The following TECPR1 variants were observed in gnomAD, a reference collection of about 807,000 sequenced individuals.
TECPR1 encodes the protein tectonin beta-propeller repeat-containing protein 1.
TECPR1 carries 122 observed loss-of-function variants against 162.4 expected under a neutral mutation model. The ratio of observed to expected loss-of-function variants is 0.75; its 90% CI spans 0.65 to 0.87. The LOEUF (loss-of-function observed/expected upper bound fraction) is 0.87, where lower values mean the gene tolerates loss of function less well. Ranked by LOEUF, TECPR1 falls within the 40% of genes least tolerant of loss-of-function variation. TECPR1 has a pLI of 0.00. For missense variants in TECPR1, 1,432 were observed against 1,618.2 expected (o/e 0.88, Z 1.97); for synonymous variants, 642 against 670.6 (o/e 0.96, Z 0.66).
Position 98,244,919 on chromosome 7 carries a change from T to A in TECPR1, c.374A>T (p.Asp125Val). The A allele has an allele frequency of 1.2e-6, 2 of 1,612,866 alleles. No individual in the cohort carries two copies. The highest frequency in any genetic ancestry group is 1.7e-6 in the Non-Finnish European group (2 of 1,179,836). The change falls in exon 4 of 26, where the codon GAT becomes GTT. Residue 125 changes from aspartate to valine, a missense_variant. Physicochemically the swap from Asp to Val is radical, Grantham distance 152. Coordinates refer to ENST00000447648, the MANE Select transcript of TECPR1 (RefSeq NM_015395.3). ...HWEWESDWYVDENFGGEPTEK... is the reference protein window; with the variant it reads ...HWEWESDWYVVENFGGEPTEK... ...AGTGGGTTCACCTCCAAAATTCTCATCCACGTACCAGTCAGACTCCCACTC... is the reference window on the plus strand; with the variant it reads ...AGTGGGTTCACCTCCAAAATTCTCAACCACGTACCAGTCAGACTCCCACTC...
chr7:98,243,591 A>T lies in TECPR1; in HGVS notation c.533T>A (p.Ile178Asn). 6.2e-7 allele frequency: 1 copy of T among 1,611,426 alleles called. No individual in the cohort carries two copies. The highest frequency in any genetic ancestry group is 8.5e-7 in the Non-Finnish European group (1 of 1,179,048). ...CTCCTTGGGGTCATCCTTCGAGGGG[A>T]TCTGAAGGAAGGAAGTGAGAAATGG... Reference protein sequence around the residue: ...RYKSRDIWAKIPSKDDPKELP... With the variant: ...RYKSRDIWAKNPSKDDPKELP... The change falls in exon 6 of 26, where the codon ATC (isoleucine) becomes AAC (asparagine). Residue 178 changes from isoleucine (I) to asparagine (N), a missense_variant and splice_region_variant. By Grantham distance (149) the Ile-to-Asn change is moderately radical. Coordinates refer to ENST00000447648, the MANE Select transcript of TECPR1 (RefSeq NM_015395.3).
chr7:98,222,069 C>T (rs1798156520), intron 22 of TECPR1, among the ~76,000 whole-genome samples: 1 of 152,208 alleles, frequency 6.6e-6, no homozygotes, highest in Admixed American at 6.5e-5. Flanking sequence ...CCAGCGTCCC[C>T]GTGTTGGACA....
rs1171164365 is a variant in TECPR1, at chr7:98,246,001, G to A, written c.146C>T (p.Ala49Val). The A allele has an allele frequency of 1.9e-6, 3 of 1,604,928 alleles. No homozygotes were observed. Among genetic ancestry groups the A allele is most frequent in the Non-Finnish European group, 2.6e-6 (3 of 1,176,470 alleles). Residue 49 changes from alanine to valine, a missense_variant, in exon 3 of 26, where the codon GCC becomes GTC. Coordinates refer to ENST00000447648, the MANE Select transcript of TECPR1 (RefSeq NM_015395.3). ...ATACACGTAGACCTGGTTGTCACAG[G>A]CAATGCCCCAGCAGCACTGCGTGGT... ...SATTQCCWGI[A>V]CDNQVYVYVC...
intron 10 of TECPR1, among the ~76,000 whole-genome samples, chr7:98,234,805 G>A (rs912786743): frequency 6.6e-6 from 1 of 150,942 alleles, no homozygotes; most frequent in East Asian, 1.9e-4. Context: ...CGACCTCCTG[G>A]GCTCATGTGA....
chr7:98,223,237 C>A (rs1398779184), intron 20 of TECPR1, 67 bp from the exon 21 acceptor site: 3 of 1,466,850 alleles, frequency 2.0e-6, no homozygotes, highest in Non-Finnish European at 1.8e-6. Flanking sequence ...GGGCCTCTGC[C>A]TCTGGAGCCA....
In TECPR1 at chr7:98,243,520, T is replaced by C; in HGVS notation, c.604A>G (p.Thr202Ala). 1 of 1,612,624 alleles carries C rather than the reference T, an allele frequency of 6.2e-7. No homozygotes were observed. The highest frequency in any genetic ancestry group is 1.7e-5 in the Admixed American group (1 of 60,012). Residue 202 changes from threonine (T) to alanine (A), a missense_variant, in exon 6 of 26, where the codon ACG becomes GCG. Transcript: ENST00000447648. The part of the protein sequence containing the change: ...NDLSVGGWEI[T>A]EEPVGRLSVW... ...GACAGGCGGCCCACAGGCTCCTCCG[T>C]GATCTCCCAGCCCCCTACAGAGAGG... is the stretch of plus-strand genomic sequence containing the variant.
Position 98,231,073 on chromosome 7 carries a change from C to T in TECPR1, c.2170G>A (p.Gly724Ser). ...CAGATGGCCTGCGGGGACGGGCGGC[C>T]CTGCACCTTCCGGCTCTCGCAGCAA... is the stretch of plus-strand genomic sequence containing the variant. Reference protein sequence around the residue: ...LSCCESRKVQGRPSPQAIWSI... With the variant: ...LSCCESRKVQSRPSPQAIWSI... The change falls in exon 15 of 26, where the codon GGC becomes AGC. Residue 724 changes from glycine to serine, a missense_variant. Gly to Ser is a moderately conservative substitution (Grantham distance 56). Transcript: ENST00000447648. The T allele has an allele frequency of 3.1e-6, 5 of 1,607,790 alleles. No homozygotes were observed. The highest frequency in any genetic ancestry group is 4.2e-6 in the Non-Finnish European group (5 of 1,177,756).
At chr7:98,224,305 C>A (rs1798220262) in intron 19 of TECPR1, among the ~76,000 whole-genome samples, 2 of 152,208 alleles carry the variant, frequency 1.3e-5, no homozygotes, top group Admixed American at 6.5e-5. Flanking sequence ...CCGCCAGGGT[C>A]CAGGGCCTCG....
intron 10 of TECPR1, among the ~76,000 whole-genome samples, chr7:98,234,253 A>C (rs1798532860): frequency 6.6e-6 from 1 of 152,176 alleles, no homozygotes; most frequent in Non-Finnish European, 1.5e-5. Flanking sequence ...CCCAGGTTCA[A>C]GCGATTCTCC....
At chr7:98,229,975 TC>T (rs1467170446) in intron 15 of TECPR1, among the ~76,000 whole-genome samples, 4 of 146,018 alleles carry the variant, frequency 2.7e-5, no homozygotes, top group Non-Finnish European at 6.0e-5. Flanking sequence ...CCAGGGAACC[TC>T]ATTCCCCCTT....
intron 13 of TECPR1, 96 bp downstream of exon 13, chr7:98,231,708 C>T (rs368470669): frequency 7.0e-7 from 1 of 1,438,112 alleles, no homozygotes; most frequent in Admixed American, 1.8e-5. Flanking sequence ...CATTTCTGTA[C>T]CCCTCCCCTG....
intron 23 of TECPR1, among the ~76,000 whole-genome samples, chr7:98,219,551 A>C (rs527427862): frequency 5.1e-4 from 78 of 152,360 alleles, no homozygotes; most frequent in Admixed American, 1.9e-3. Context: ...CACAAAAAAC[A>C]AAAAACCAAT....
At chr7:98,245,632 C>T (rs1295986428) in intron 3 of TECPR1, among the ~76,000 whole-genome samples, 1 of 152,114 alleles carries the variant, frequency 6.6e-6, no homozygotes, top group East Asian at 1.9e-4. Flanking sequence ...CCACCACACC[C>T]TGCTAATTCT....
At position 98,225,057 on chromosome 7, in the gene TECPR1, C is replaced by T; in HGVS notation, c.2559G>A (p.Leu853=). Reference sequence around the variant, plus strand: ...TCGTGCCAGCCTTCGTGCACTCCTGCAGCCCCGAGGCATCGCTCCACATGT... The same window carrying T: ...TCGTGCCAGCCTTCGTGCACTCCTGTAGCCCCGAGGCATCGCTCCACATGT... ...DRYMWSDASG[L]QECTKAGTKP... Residue 853 remains leucine (L), a synonymous_variant, in exon 18 of 26, where the codon CTG becomes CTA. Coordinates refer to ENST00000447648, the MANE Select transcript of TECPR1 (RefSeq NM_015395.3). The T allele has an allele frequency of 1.3e-6, 2 of 1,566,542 alleles. No individual in the cohort carries two copies. The highest frequency in any genetic ancestry group is 1.2e-5 in the South Asian group (1 of 84,672).
chr7:98,225,132 G>C (rs1224502918), intron 17 of TECPR1, 30 bp from the exon 18 acceptor site: 22 of 1,539,298 alleles, frequency 1.4e-5, no homozygotes, highest in Non-Finnish European at 1.8e-5. Flanking sequence ...CAGGTGACGA[G>C]GGAGACTGGG....
Position 98,233,771 on chromosome 7 carries a change from G to C in TECPR1, c.1322C>G (p.Thr441Arg). The stretch of plus-strand genomic sequence containing the variant: ...CCCCAGGCCTGAGGCTGAGTTCCCT[G>C]TGGCATTCTTGGAATCGTCTAGAGG... The part of the protein sequence containing the change: ...AEPLDDSKNA[T>R]GNSASGLGAG... The change falls in exon 11 of 26, where the codon ACA (threonine) becomes AGA (arginine). Residue 441 changes from threonine (T) to arginine (R), a missense_variant. Physicochemically the swap from Thr to Arg is moderately conservative, Grantham distance 71. Coordinates refer to ENST00000447648, the MANE Select transcript of TECPR1 (RefSeq NM_015395.3). 1 of 1,612,534 alleles carries C rather than the reference G, an allele frequency of 6.2e-7. No homozygotes were observed. The highest frequency in any genetic ancestry group is 8.5e-7 in the Non-Finnish European group (1 of 1,179,730).
At chr7:98,227,993 C>A in intron 17 of TECPR1, 21 bp downstream of exon 17, 1 of 1,600,034 alleles carries the variant, frequency 6.2e-7, no homozygotes, top group Non-Finnish European at 8.5e-7. Flanking sequence ...AGCATCCTGG[C>A]CGGGCACCTG....
At chr7:98,229,572 G>C (rs1173468560) in intron 15 of TECPR1, among the ~76,000 whole-genome samples, 2 of 152,216 alleles carry the variant, frequency 1.3e-5, no homozygotes, top group African/African-American at 4.8e-5. Flanking sequence ...AGCAGAGCCG[G>C]ACATGACATC....
chr7:98,217,585 CCCAGA>C (rs1798045193), intron 25 of TECPR1, 82 bp from the exon 26 acceptor site: 2 of 1,537,466 alleles, frequency 1.3e-6, no homozygotes, highest in Non-Finnish European at 1.8e-6. Flanking sequence ...CTCCCTGCAA[CCCAGA>C]CACCGGGTCC....
Sources: gnomAD v4.1 joint callset for allele counts (sites outside exome capture counted in the v4.1 genomes callset) on GRCh38, gnomAD v4.1.1 for gene constraint, MANE v1.5 for transcripts, NCBI Gene and HGNC (gene_info 2026-07-23, HGNC 2026-07-21) for gene names.